The following AGBL4 variants were observed in gnomAD, a reference collection of about 807,000 sequenced individuals.
AGBL4 encodes the protein AGBL carboxypeptidase 4.
AGBL4 carries 58 observed loss-of-function variants against 66.4 expected under a neutral mutation model. The observed-to-expected ratio is 0.87, with a 90% CI of 0.71 to 1.09. The LOEUF is 1.09. Ranked by LOEUF, AGBL4 falls within the 50% of genes least tolerant of loss-of-function variation. The pLI is 0.00. For missense variants in AGBL4, 579 were observed against 631.0 expected, an observed-to-expected ratio of 0.92 and a Z score of 0.88; for synonymous variants, 234 against 222.9, an observed-to-expected ratio of 1.05 and a Z score of -0.44.
chr1:49,462,191 T>C (rs1646529231), intron 3 of AGBL4, among the ~76,000 whole-genome samples: 1 of 151,814 alleles, frequency 6.6e-6, no homozygotes. Context: ...TAATAGCTCA[T>C]TGAAGGCAGA....
chr1:49,375,384 G>A lies in AGBL4; in HGVS notation c.283-129520C>T, dbSNP rs990985947. Among the ~76,000 whole-genome samples, 123 of 152,052 alleles carry A rather than the reference G, an allele frequency of 8.1e-4. 1 individual carries two copies. The highest frequency in any genetic ancestry group is 2.9e-3 in the African/African-American group (119 of 41,416). On this transcript the variant is annotated intron_variant, in intron 3 of 13. Coordinates refer to ENST00000371839, the MANE Select transcript of AGBL4 (RefSeq NM_032785.4). ...AAATGAATAAAACTGCTCATGGGAT[G>A]TGATTTCTGAGAAGTGATGATTTTT...
intron 3 of AGBL4, among the ~76,000 whole-genome samples, chr1:49,447,355 G>C (rs1317179956): frequency 6.6e-6 from 1 of 152,090 alleles, no homozygotes; most frequent in Non-Finnish European, 1.5e-5. Flanking sequence ...ACTGCCTGTG[G>C]GTAGGGTAAT....
At chr1:48,809,570 A>C (rs1934370) in intron 6 of AGBL4, among the ~76,000 whole-genome samples, 148,675 of 152,246 alleles carry the variant, frequency 0.98, 72,680 homozygotes, top group East Asian at 1. Flanking sequence ...CATCTAGAAA[A>C]AACTGAATGA....
chr1:49,591,584 C>T (rs1361324605), intron 3 of AGBL4, among the ~76,000 whole-genome samples: 1 of 152,064 alleles, frequency 6.6e-6, no homozygotes, highest in Non-Finnish European at 1.5e-5. Flanking sequence ...CAAGAAAAAA[C>T]TATTTTAAAA....
At chr1:49,532,560 A>T (rs1651222036) in intron 3 of AGBL4, among the ~76,000 whole-genome samples, 1 of 152,086 alleles carries the variant, frequency 6.6e-6, no homozygotes, top group Non-Finnish European at 1.5e-5. Flanking sequence ...TCCAATTAAA[A>T]ATTATGCCTT....
intron 4 of AGBL4, among the ~76,000 whole-genome samples, chr1:49,110,478 T>C (rs1027606729): frequency 2.0e-5 from 3 of 152,192 alleles, no homozygotes; most frequent in Non-Finnish European, 4.4e-5. Context: ...CTTACCACCA[T>C]TCTTAGAGGG....
chr1:49,628,506 T>G (rs1645507396), intron 3 of AGBL4, among the ~76,000 whole-genome samples: 1 of 152,198 alleles, frequency 6.6e-6, no homozygotes, highest in African/African-American at 2.4e-5. Context: ...AGGGCATGCC[T>G]CTGACCACTG....
At chr1:48,548,598 TCC>T (rs1248475013) in intron 11 of AGBL4, among the ~76,000 whole-genome samples, 1 of 152,158 alleles carries the variant, frequency 6.6e-6, no homozygotes, top group Admixed American at 6.5e-5. Flanking sequence ...CGGCCTCCCT[TCC>T]CTGTCCTGCT....
intron 3 of AGBL4, among the ~76,000 whole-genome samples, chr1:49,458,869 C>T (rs1433056685): frequency 2.6e-5 from 4 of 151,614 alleles, no homozygotes; most frequent in Admixed American, 2.6e-4. Context: ...CATTTATTGA[C>T]TTGCAGATGT....
chr1:49,360,182 G>C (rs142812145), intron 3 of AGBL4, among the ~76,000 whole-genome samples: 1 of 152,188 alleles, frequency 6.6e-6, no homozygotes, highest in Non-Finnish European at 1.5e-5. Context: ...GATCCTAGCA[G>C]AGTGGAAAAC....
intron 4 of AGBL4, among the ~76,000 whole-genome samples, chr1:49,106,124 C>T (rs1291984564): frequency 1.3e-5 from 2 of 152,178 alleles, no homozygotes; most frequent in Non-Finnish European, 2.9e-5. Flanking sequence ...GACCCCAGTG[C>T]TGGCTGGTTG....
chr1:48,823,867 G>T (rs1034025655), intron 6 of AGBL4, among the ~76,000 whole-genome samples: 1 of 152,158 alleles, frequency 6.6e-6, no homozygotes, highest in African/African-American at 2.4e-5. Flanking sequence ...TCTGAATTAA[G>T]GAACCTCTGC....
At chr1:49,520,099 A>G (rs1650137088) in intron 3 of AGBL4, among the ~76,000 whole-genome samples, 1 of 152,040 alleles carries the variant, frequency 6.6e-6, no homozygotes, top group Non-Finnish European at 1.5e-5. Flanking sequence ...AGCGTTGGAG[A>G]CAAGTGACCT....
intron 4 of AGBL4, among the ~76,000 whole-genome samples, chr1:49,089,186 A>T (rs1644959695): frequency 1.3e-5 from 2 of 151,384 alleles, no homozygotes. Flanking sequence ...TATCACCTCT[A>T]GAGGAACTAA....
rs375874332 is a variant in AGBL4, at chr1:48,693,310, C to A, written c.635-30069G>T. On this transcript the variant is annotated intron_variant, in intron 6 of 13. Coordinates refer to ENST00000371839, the MANE Select transcript of AGBL4 (RefSeq NM_032785.4). ...AAGATATTTAGTCCGATCTCACCAT[C>A]AACATGACAGAGAGGAAGCCAGGCT... is the stretch of plus-strand genomic sequence containing the variant. Among the ~76,000 whole-genome samples, 18 of 152,294 alleles carry A rather than the reference C, an allele frequency of 1.2e-4. No homozygotes were observed. In the South Asian group the frequency reaches 3.5e-3, roughly 30 times the overall value.
At chr1:49,928,106 T>G (rs889701079) in intron 1 of AGBL4, among the ~76,000 whole-genome samples, 1 of 152,086 alleles carries the variant, frequency 6.6e-6, no homozygotes, top group Non-Finnish European at 1.5e-5. Context: ...ACATTGAACA[T>G]TGTAGAAGAA....
At chr1:49,123,257 T>C (rs1053794592) in intron 4 of AGBL4, among the ~76,000 whole-genome samples, 2 of 152,236 alleles carry the variant, frequency 1.3e-5, no homozygotes, top group Non-Finnish European at 1.5e-5. Context: ...AATTTATAGA[T>C]GAATATTTAA....
rs565088060 is a variant in AGBL4 at position 48,778,538 on chromosome 1, A to G, written c.634+88653T>C. Among the ~76,000 whole-genome samples the G allele has an allele frequency of 4.5e-4, 69 of 152,232 alleles. 1 individual carries two copies. The highest frequency in any genetic ancestry group is 1.7e-3 in the African/African-American group (69 of 41,470). On this transcript the variant is annotated intron_variant, in intron 6 of 13. Transcript: ENST00000371839. The stretch of plus-strand genomic sequence containing the variant: ...TCAATTAAATGTTATATTTTTAAAA[A>G]TTCATCTTAATAAACTTTAGCTGTA...
chr1:48,529,571 T>C (rs745518285), downstream of AGBL4, among the ~76,000 whole-genome samples: 2 of 152,156 alleles, frequency 1.3e-5, no homozygotes, highest in Non-Finnish European at 2.9e-5. Context: ...TATTACGTTA[T>C]GTCTCCCCTC....
Sources: gnomAD v4.1 joint callset for allele counts (sites outside exome capture counted in the v4.1 genomes callset) on GRCh38, gnomAD v4.1.1 for gene constraint, MANE v1.5 for transcripts, NCBI Gene and HGNC (gene_info 2026-07-23, HGNC 2026-07-21) for gene names.